Variants in RAP1GDS1 observed in about 807,000 individuals in gnomAD.
The protein encoded by RAP1GDS1 is Rap1 GTPase-GDP dissociation stimulator 1.
RAP1GDS1 carries 35 observed loss-of-function variants against 71.1 expected under a neutral mutation model. The ratio of observed to expected loss-of-function variants is 0.49; its 90% CI spans 0.38 to 0.65. The LOEUF is 0.65. RAP1GDS1 is among the 30% of genes least tolerant of loss of function. The probability of loss-of-function intolerance (pLI) is 0.00; values close to 1 mark genes in which losing one functional copy is unlikely to be tolerated. For synonymous variants in RAP1GDS1, 229 were observed against 243.1 expected (o/e 0.94, Z 0.54); for missense variants, 663 against 706.1 (o/e 0.94, Z 0.69).
At chr4:98,302,210 T>C (rs997633017) in intron 2 of RAP1GDS1, among the ~76,000 whole-genome samples, 2 of 152,184 alleles carry the variant, frequency 1.3e-5, no homozygotes, top group African/African-American at 2.4e-5. Context: ...TTAAATATTC[T>C]TAAATAAGCC....
chr4:98,345,218 T>C (rs540883329), intron 3 of RAP1GDS1, among the ~76,000 whole-genome samples: 53 of 152,292 alleles, frequency 3.5e-4, no homozygotes, highest in South Asian at 8.3e-4. Context: ...TATATTTCTT[T>C]TTAGAAATTG....
chr4:98,419,855 C>A (rs1748560381), intron 10 of RAP1GDS1, among the ~76,000 whole-genome samples, 164 bp from the exon 11 acceptor site: 1 of 152,170 alleles, frequency 6.6e-6, no homozygotes, highest in African/African-American at 2.4e-5. Context: ...CACACATAAA[C>A]AACTGAATTC....
intron 6 of RAP1GDS1, chr4:98,395,830 A>T (rs543800615): frequency 6.6e-6 from 1 of 152,188 alleles, no homozygotes; most frequent in Non-Finnish European, 1.5e-5. Flanking sequence ...TGTAATATCA[A>T]TGACATTTGG....
chr4:98,382,771 A>G (rs1370999579), intron 5 of RAP1GDS1, among the ~76,000 whole-genome samples: 1 of 151,616 alleles, frequency 6.6e-6, no homozygotes, highest in African/African-American at 2.4e-5. Context: ...TTCATTAGCA[A>G]ATTCAATACT....
rs901629521 is a variant in RAP1GDS1 at position 98,404,523 on chromosome 4, A to G, written c.684A>G (p.Leu228=). 15 of 1,608,344 alleles carry G rather than the reference A, an allele frequency of 9.3e-6. No homozygotes were observed. Among genetic ancestry groups the G allele is most frequent in the Non-Finnish European group, 1.3e-5 (15 of 1,177,216 alleles). The change falls in exon 7 of 15, where the codon CTA becomes CTG. Residue 228 remains leucine, a synonymous_variant. Transcript: ENST00000408927. ...CCAGTACAAACATTGCTGAAGAGCT[A>G]GTAAAACTCTTCAAGAAACAAATAG... ...QFASTNIAEE[L]VKLFKKQIEH...
At position 98,360,423 on chromosome 4, in the gene RAP1GDS1, A is replaced by G. The variant is rs577663932; in HGVS notation, c.361+7822A>G. On this transcript the variant is annotated intron_variant, in intron 4 of 14. Coordinates refer to ENST00000408927, the MANE Select transcript of RAP1GDS1 (RefSeq NM_001100427.2). ...GAACTTTCCTTTCCTCATTAAGAGG[A>G]CTTAGGTAGGGTGGGAAAAGTCTAA... 8.9e-5 allele frequency among the ~76,000 whole-genome samples: 13 copies of G among 146,116 alleles called. No homozygotes were observed. In the East Asian group the frequency reaches 2.6e-3, roughly 29 times the overall value.
intron 14 of RAP1GDS1, among the ~76,000 whole-genome samples, chr4:98,438,049 T>C (rs1012492036): frequency 1.3e-5 from 2 of 152,114 alleles, no homozygotes; most frequent in African/African-American, 4.8e-5. Flanking sequence ...GATTTACCTA[T>C]TTCTCCTTTC....
intron 4 of RAP1GDS1, among the ~76,000 whole-genome samples, chr4:98,374,540 A>G (rs1740875733): frequency 6.6e-6 from 1 of 152,152 alleles, no homozygotes; most frequent in African/African-American, 2.4e-5. Context: ...ATGCATCTCA[A>G]CTTTTTATTG....
chr4:98,269,637 A>G (rs1217367840), intron 1 of RAP1GDS1, among the ~76,000 whole-genome samples: 2 of 152,180 alleles, frequency 1.3e-5, no homozygotes, highest in East Asian at 3.8e-4. Context: ...AATAAAATAA[A>G]AATACAGGTT....
intron 6 of RAP1GDS1, chr4:98,396,176 C>T (rs1334909493): frequency 6.6e-6 from 1 of 152,232 alleles, no homozygotes; most frequent in Admixed American, 6.6e-5. Flanking sequence ...ATCTAATTAC[C>T]TCCTGCCTGG....
chr4:98,409,575 CAA>C (rs1218242613), intron 7 of RAP1GDS1: 1 of 195,982 alleles, frequency 5.1e-6, no homozygotes, highest in Non-Finnish European at 1.0e-5. Flanking sequence ...ATTAAGCACT[CAA>C]GAGCCAAGAT....
intron 4 of RAP1GDS1, among the ~76,000 whole-genome samples, chr4:98,370,201 G>T (rs1228840672): frequency 1.3e-5 from 2 of 152,186 alleles, no homozygotes; most frequent in Non-Finnish European, 2.9e-5. Flanking sequence ...AGTGATAAAG[G>T]AGGGAGAGAA....
At chr4:98,281,507 G>T (rs1211093863) in intron 1 of RAP1GDS1, among the ~76,000 whole-genome samples, 1 of 152,092 alleles carries the variant, frequency 6.6e-6, no homozygotes, top group African/African-American at 2.4e-5. Flanking sequence ...GGAGATTTTG[G>T]GCTGAGATGA....
chr4:98,313,090 A>G (rs1311945119), intron 2 of RAP1GDS1, among the ~76,000 whole-genome samples: 5 of 150,620 alleles, frequency 3.3e-5, no homozygotes, highest in Admixed American at 6.6e-5. Context: ...AAAAAAAAAA[A>G]AAAAAAAGAA....
chr4:98,267,695 G>T (rs565588148), intron 1 of RAP1GDS1, among the ~76,000 whole-genome samples: 1 of 152,302 alleles, frequency 6.6e-6, no homozygotes, highest in African/African-American at 2.4e-5. Flanking sequence ...TTTTGTGGGT[G>T]CATAGTATTC....
intron 4 of RAP1GDS1, among the ~76,000 whole-genome samples, chr4:98,370,609 G>T (rs1740223186): frequency 6.6e-6 from 1 of 150,520 alleles, no homozygotes; most frequent in Admixed American, 6.6e-5. Flanking sequence ...TGTCACCCTG[G>T]CTGGAGTGCA....
chr4:98,353,079 C>T (rs923889644), intron 4 of RAP1GDS1, among the ~76,000 whole-genome samples: 2 of 152,154 alleles, frequency 1.3e-5, no homozygotes, highest in Admixed American at 6.5e-5. Flanking sequence ...TGACTCCATT[C>T]CTGTTTGTCA....
chr4:98,439,702 G>C (rs2110230627), intron 14 of RAP1GDS1, among the ~76,000 whole-genome samples: 1 of 152,080 alleles, frequency 6.6e-6, no homozygotes, highest in South Asian at 2.1e-4. Context: ...TTCTGATGTT[G>C]AACCTGTTTT....
Position 98,442,747 on chromosome 4 carries a change from T to A in RAP1GDS1, c.*630T>A, listed in dbSNP as rs1479630429. 3 of 228,224 alleles carry A rather than the reference T, an allele frequency of 1.3e-5. No individual in the cohort carries two copies. The highest frequency in any genetic ancestry group is 2.6e-5 in the Non-Finnish European group (3 of 114,860). 14.1% of individuals were successfully genotyped at this position (228,224 alleles called of 1,614,324 possible). On this transcript the variant is annotated 3_prime_UTR_variant, in exon 15 of 15. Transcript: ENST00000408927. ...AGACTTTCTGAGGTTTCTGATTCCA[T>A]ATTTAATTGACTATTATCAATAGCC... is the stretch of plus-strand genomic sequence containing the variant.
Sources: gnomAD v4.1 joint callset for allele counts (sites outside exome capture counted in the v4.1 genomes callset) on GRCh38, gnomAD v4.1.1 for gene constraint, MANE v1.5 for transcripts, NCBI Gene and HGNC (gene_info 2026-07-23, HGNC 2026-07-21) for gene names.